SNX30: variants seen among roughly 807,000 people sequenced by gnomAD.
SNX30 encodes sorting nexin family member 30.
A neutral mutation model predicts 46.4 loss-of-function variants in SNX30; 24 were observed. The observed-to-expected ratio is 0.52, with a 90% CI of 0.37 to 0.73. SNX30 has a LOEUF of 0.73. SNX30 is among the 30% of genes least tolerant of loss of function. The probability of loss-of-function intolerance (pLI) is 0.00; values close to 1 mark genes in which losing one functional copy is unlikely to be tolerated. For missense variants in SNX30, 533 were observed against 555.7 expected (o/e 0.96, Z 0.41); for synonymous variants, 189 against 211.5 (o/e 0.89, Z 0.92).
At chr9:112,855,613 A>G (rs930360486) in intron 7 of SNX30, among the ~76,000 whole-genome samples, 1 of 152,122 alleles carries the variant, frequency 6.6e-6, no homozygotes, top group Non-Finnish European at 1.5e-5. Context: ...TTGTGGGGAA[A>G]GAGCACGTGC....
intron 1 of SNX30, among the ~76,000 whole-genome samples, chr9:112,786,550 C>T (rs962077489): frequency 4.7e-4 from 71 of 152,178 alleles, no homozygotes; most frequent in African/African-American, 1.5e-3. Context: ...CCTAGTAGTG[C>T]ATGGCCCTTG....
At chr9:112,865,885 C>T (rs897750329) in intron 8 of SNX30, among the ~76,000 whole-genome samples, 3 of 151,656 alleles carry the variant, frequency 2.0e-5, no homozygotes, top group Non-Finnish European at 4.4e-5. Context: ...CCCACACCTT[C>T]CCTCTGCTGT....
At chr9:112,850,513 C>T (rs1195281448) in intron 6 of SNX30, among the ~76,000 whole-genome samples, 2 of 152,262 alleles carry the variant, frequency 1.3e-5, no homozygotes, top group African/African-American at 4.8e-5. Context: ...TTCTGCACAG[C>T]CGGGCTCTGG....
At chr9:112,875,201 A>C (rs1841505470), downstream of SNX30, 1 of 152,156 alleles carries the variant, frequency 6.6e-6, no homozygotes, top group Admixed American at 6.5e-5. Context: ...CCTCTTCTAC[A>C]TCTTCCACAT....
At chr9:112,827,539 G>A (rs1489735926) in intron 3 of SNX30, among the ~76,000 whole-genome samples, 2 of 152,084 alleles carry the variant, frequency 1.3e-5, no homozygotes, top group Admixed American at 1.3e-4. Flanking sequence ...GTGGGGTGTT[G>A]GTGTTACCAA....
chr9:112,840,606 C>T lies in SNX30; in HGVS notation c.1014+1909C>T, dbSNP rs554334535. Among the ~76,000 whole-genome samples the T allele has an allele frequency of 2.0e-5, 3 of 152,144 alleles. No homozygotes were observed. The South Asian group carries it at 6.2e-4, about 32-fold the overall frequency. On this transcript the variant is annotated intron_variant, in intron 6 of 8. Transcript: ENST00000374232. ...GTTCAAGTGATTCTCGTGCCTCAGC[C>T]TCCCGAGTAGCTGGGATTACAGGCA... is the stretch of plus-strand genomic sequence containing the variant.
downstream of SNX30, among the ~76,000 whole-genome samples, chr9:112,876,740 C>T (rs553747976): frequency 3.0e-4 from 46 of 151,388 alleles, no homozygotes; most frequent in South Asian, 7.9e-3. Context: ...AGTTCGAGAC[C>T]GGCCTAGCCA....
chr9:112,820,637 CA>C (rs796415386), intron 3 of SNX30, among the ~76,000 whole-genome samples: 38 of 152,276 alleles, frequency 2.5e-4, no homozygotes, highest in African/African-American at 7.9e-4. Flanking sequence ...TATCCATTTT[CA>C]AATCTTTTTA....
Position 112,814,851 on chromosome 9 carries a change from A to G in SNX30, c.349-2854A>G, listed in dbSNP as rs75795563. Among the ~76,000 whole-genome samples the G allele has an allele frequency of 1.1e-4, 16 of 152,342 alleles. No individual in the cohort carries two copies. In the South Asian group the frequency reaches 1.9e-3, roughly 18 times the overall value. On this transcript the variant is annotated intron_variant, in intron 2 of 8. Coordinates refer to ENST00000374232, the MANE Select transcript of SNX30 (RefSeq NM_001012994.2). ...AATTACGAGGTGCTCAATGGTGTTT[A>G]CAAAAGTATTGTTTATTGATGGAAA...
intron 6 of SNX30, among the ~76,000 whole-genome samples, chr9:112,840,170 A>G (rs377704235): frequency 6.6e-6 from 1 of 152,234 alleles, no homozygotes; most frequent in East Asian, 1.9e-4. Flanking sequence ...TGGATCTCTC[A>G]GTGACCAGGG....
intron 7 of SNX30, 64 bp downstream of exon 7, chr9:112,851,009 C>A: frequency 7.7e-7 from 1 of 1,299,780 alleles, no homozygotes; most frequent in Non-Finnish European, 1.1e-6. Context: ...TAAGTAAATT[C>A]TCATCTCTAG....
chr9:112,827,062 C>T (rs1840589009), intron 3 of SNX30, among the ~76,000 whole-genome samples: 1 of 152,124 alleles, frequency 6.6e-6, no homozygotes, highest in Non-Finnish European at 1.5e-5. Context: ...TCCACTGTGC[C>T]CTTTTTGGAA....
rs556225500 is a variant in SNX30, at chr9:112,867,941, G to A, written c.1255-843G>A. Among the ~76,000 whole-genome samples, 25 of 152,348 alleles carry A rather than the reference G, an allele frequency of 1.6e-4. 1 individual carries two copies. In the South Asian group the frequency reaches 5.2e-3, roughly 32 times the overall value. ...TTATGCAAGAGACTTTCCAAAGGGC[G>A]AATCATTTCTGCTCTCAGAGGACAA... On this transcript the variant is annotated intron_variant, in intron 8 of 8. Transcript: ENST00000374232.
chr9:112,754,084 A>G (rs1196842862), intron 1 of SNX30, among the ~76,000 whole-genome samples: 2 of 152,176 alleles, frequency 1.3e-5, no homozygotes, highest in African/African-American at 4.8e-5. Flanking sequence ...ATTCTGCGTC[A>G]GTTCTGGGCC....
chr9:112,865,659 A>ATGTGTGTGTGTGTGTGTGTGTG (rs1473545725), intron 8 of SNX30, among the ~76,000 whole-genome samples: 3 of 79,678 alleles, frequency 3.8e-5, no homozygotes, highest in African/African-American at 5.3e-5. Flanking sequence ...ATATATATAT[A>ATGTGTGTGTGTGTGTGTGTGTG]TATGTATGTA....
intron 1 of SNX30, among the ~76,000 whole-genome samples, chr9:112,772,493 G>A (rs922028383): frequency 2.6e-5 from 4 of 152,154 alleles, no homozygotes; most frequent in African/African-American, 9.7e-5. Context: ...CAGGTGTGGG[G>A]CTGTGGTACT....
intron 6 of SNX30, among the ~76,000 whole-genome samples, chr9:112,850,105 G>C (rs980063143): frequency 9.2e-5 from 14 of 152,222 alleles, no homozygotes; most frequent in African/African-American, 3.4e-4. Flanking sequence ...ATGGGCCAAA[G>C]AGGGAGTGTC....
intron 1 of SNX30, among the ~76,000 whole-genome samples, chr9:112,767,078 A>G (rs1174284050): frequency 6.6e-6 from 1 of 151,306 alleles, no homozygotes; most frequent in African/African-American, 2.4e-5. Flanking sequence ...AACAGTGTAT[A>G]CAAGGCTTCT....
At chr9:112,875,215 C>T (rs1265211088), downstream of SNX30, 1 of 152,188 alleles carries the variant, frequency 6.6e-6, no homozygotes, top group Non-Finnish European at 1.5e-5. Context: ...TCCACATCTG[C>T]ACCAATCTGG....
Sources: gnomAD v4.1 joint callset for allele counts (sites outside exome capture counted in the v4.1 genomes callset) on GRCh38, gnomAD v4.1.1 for gene constraint, MANE v1.5 for transcripts, NCBI Gene and HGNC (gene_info 2026-07-23, HGNC 2026-07-21) for gene names.